The following MICAL2 variants were observed in gnomAD, a reference collection of about 807,000 sequenced individuals.
MICAL2 encodes microtubule associated monooxygenase, calponin and LIM domain containing 2.
MICAL2 carries 77 observed loss-of-function variants against 127.3 expected under a neutral mutation model. The observed-to-expected ratio is 0.60, with a 90% CI of 0.50 to 0.73. MICAL2 has a LOEUF of 0.73. MICAL2 is among the 30% of genes least tolerant of loss of function. MICAL2 has a pLI of 0.00. For missense variants in MICAL2, 1,351 were observed against 1,434.4 expected (o/e 0.94, Z 0.94); for synonymous variants, 570 against 551.1 (o/e 1.03, Z -0.48).
chr11:12,216,220 C>T lies in MICAL2; in HGVS notation c.849C>T (p.Gly283=), dbSNP rs1165287642. 1 of 1,609,506 alleles carries T rather than the reference C, an allele frequency of 6.2e-7. No individual in the cohort carries two copies. The highest frequency in any genetic ancestry group is 1.7e-5 in the Admixed American group (1 of 60,012). Residue 283 remains glycine (G), a splice_region_variant and synonymous_variant, in exon 8 of 28, where the codon GGC becomes GGT. Transcript: ENST00000683283. ...GCTTGTGAATGCTTCTCTTTTCAGG[C>T]ATAGATCTTGAGAACATTGTTTACT... is the stretch of plus-strand genomic sequence containing the variant. ...KFFQDLKEET[G]IDLENIVYYK...
downstream of MICAL2, among the ~76,000 whole-genome samples, chr11:12,291,564 A>C (rs979942155): frequency 2.6e-5 from 4 of 152,174 alleles, no homozygotes; most frequent in South Asian, 4.1e-4. Context: ...GCATGGGCCC[A>C]CTCCATATCC....
chr11:12,130,932 G>A (rs1050446155), intron 1 of MICAL2, among the ~76,000 whole-genome samples: 7 of 152,206 alleles, frequency 4.6e-5, no homozygotes, highest in African/African-American at 1.4e-4. Context: ...CTGCTTCTCA[G>A]CTCCCTCTGT....
chr11:12,250,960 A>T (rs1165396373), intron 22 of MICAL2, among the ~76,000 whole-genome samples: 1 of 152,170 alleles, frequency 6.6e-6, no homozygotes, highest in Admixed American at 6.5e-5. Flanking sequence ...GGATTTCTCC[A>T]TGAGTTGAGC....
Position 12,201,258 on chromosome 11 carries a change from T to A in MICAL2, c.265-2992T>A, listed in dbSNP as rs560397618. Among the ~76,000 whole-genome samples the A allele has an allele frequency of 1.3e-3, 205 of 152,058 alleles. 1 individual carries two copies. In the Middle Eastern group the frequency reaches 0.024, roughly 18 times the overall value. On this transcript the variant is annotated intron_variant, in intron 3 of 27. Transcript: ENST00000683283. ...TTCCCCTAATTAGGTGTCTACAAAC[T>A]CTCTGGAAGGTTCCAACCAGTAAGC...
At chr11:12,269,771 G>C (rs369777315) in intron 24 of MICAL2, among the ~76,000 whole-genome samples, 1 of 152,248 alleles carries the variant, frequency 6.6e-6, no homozygotes, top group Admixed American at 6.5e-5. Context: ...GCTAGGGCCA[G>C]CCAGGGCCCC....
At chr11:12,226,654 T>G (rs1403830571) in intron 14 of MICAL2, among the ~76,000 whole-genome samples, 22 of 100,416 alleles carry the variant, frequency 2.2e-4, no homozygotes, top group South Asian at 6.2e-4. Context: ...GTTTTTGGTT[T>G]TTTTTTTTTT....
chr11:12,341,875 A>G (rs1165828149), intron 32 of MICAL2, among the ~76,000 whole-genome samples: 1 of 152,176 alleles, frequency 6.6e-6, no homozygotes, highest in African/African-American at 2.4e-5. Flanking sequence ...TTACATGCCA[A>G]TCATCGTAGG....
At chr11:12,282,623 G>A (rs1863784363) in intron 2 of MICAL2, among the ~76,000 whole-genome samples, 2 of 152,188 alleles carry the variant, frequency 1.3e-5, no homozygotes, top group South Asian at 4.1e-4. Flanking sequence ...GTTTGATTCT[G>A]AGTTTTCTAG....
chr11:12,349,965 A>G (rs771529839), intron 33 of MICAL2: 40 of 1,599,508 alleles, frequency 2.5e-5, no homozygotes, highest in Non-Finnish European at 3.1e-5. Context: ...GATACCAGCG[A>G]GTCCTAAAAG....
intron 26 of MICAL2, chr11:12,262,023 G>T: frequency 3.0e-6 from 3 of 1,012,944 alleles, no homozygotes; most frequent in Non-Finnish European, 3.5e-6. Flanking sequence ...TGACTGTCGT[G>T]TACAGCCATA....
chr11:12,272,708 G>A (rs532432223), upstream of MICAL2, among the ~76,000 whole-genome samples: 3 of 152,320 alleles, frequency 2.0e-5, no homozygotes, highest in South Asian at 4.1e-4. Flanking sequence ...GTCTAAGGGC[G>A]AGGGAGGCCC....
chr11:12,333,151 G>A lies in MICAL2; in HGVS notation c.5515+5885G>A, dbSNP rs73422791. On this transcript the variant is annotated intron_variant, in intron 32 of 34. Transcript: ENST00000646065. ...CAGAAATAAAGAAGAAATGGAAAGG[G>A]CAGATGCAACCACAGATACAGCAAA... is the stretch of plus-strand genomic sequence containing the variant. Among the ~76,000 whole-genome samples the A allele has an allele frequency of 4.1e-3, 618 of 152,236 alleles. 2 individuals carry two copies. The highest frequency in any genetic ancestry group is 0.013 in the African/African-American group (555 of 41,544).
intron 30 of MICAL2, chr11:12,323,834 G>C: frequency 1.1e-6 from 1 of 931,788 alleles, no homozygotes; most frequent in Non-Finnish European, 1.5e-6. Context: ...TCATTGCAGA[G>C]AGTTCTACCA....
At chr11:12,260,678 C>T (rs1862988476) in intron 26 of MICAL2, 1 of 985,656 alleles carries the variant, frequency 1.0e-6, no homozygotes, top group Non-Finnish European at 1.2e-6. Flanking sequence ...CTTTTTACAA[C>T]ACGAAAGCAT....
chr11:12,187,631 G>A (rs947383280), intron 3 of MICAL2, among the ~76,000 whole-genome samples: 24 of 152,332 alleles, frequency 1.6e-4, no homozygotes, highest in Non-Finnish European at 2.9e-5. Context: ...TTGTTGTAGC[G>A]GTTCCTTGGG....
intron 32 of MICAL2, among the ~76,000 whole-genome samples, chr11:12,343,236 T>C (rs202157789): frequency 1.3e-5 from 2 of 151,622 alleles, no homozygotes; most frequent in African/African-American, 4.8e-5. Flanking sequence ...GATGAAACCC[T>C]ATCTCTACTA....
intron 30 of MICAL2, among the ~76,000 whole-genome samples, chr11:12,320,549 G>A (rs1190830478): frequency 6.6e-6 from 1 of 152,160 alleles, no homozygotes; most frequent in Non-Finnish European, 1.5e-5. Context: ...GGGGGTGGCA[G>A]GGGTTATTGA....
At chr11:12,135,892 C>T (rs1176635913) in intron 1 of MICAL2, among the ~76,000 whole-genome samples, 2 of 151,472 alleles carry the variant, frequency 1.3e-5, no homozygotes, top group Non-Finnish European at 2.9e-5. Context: ...CTCGATCTAT[C>T]TCACACCGAC....
downstream of MICAL2, among the ~76,000 whole-genome samples, chr11:12,361,156 C>T (rs1055188276): frequency 2.6e-5 from 4 of 152,158 alleles, no homozygotes; most frequent in African/African-American, 7.2e-5. Context: ...GGTCATATTT[C>T]ACAGTCAGTC....
Sources: allele counts gnomAD v4.1 joint callset (sites outside exome capture counted in the v4.1 genomes callset), GRCh38; gene constraint gnomAD v4.1.1; transcripts MANE v1.5; gene names NCBI Gene and HGNC (gene_info 2026-07-23, HGNC 2026-07-21).